Variants in PDE4C observed in about 807,000 individuals in gnomAD.
PDE4C encodes phosphodiesterase 4C.
A neutral mutation model predicts 63.9 loss-of-function variants in PDE4C; 50 were observed. The ratio of observed to expected loss-of-function variants is 0.78; its 90% CI spans 0.62 to 0.99. PDE4C has a LOEUF of 0.99. Ranked by LOEUF, PDE4C falls within the 50% of genes least tolerant of loss-of-function variation. The pLI, the probability that PDE4C is intolerant of heterozygous loss-of-function variation, is 0.00. For synonymous variants in PDE4C, 377 were observed against 385.1 expected, an observed-to-expected ratio of 0.98 and a Z score of 0.25; for missense variants, 777 against 899.1, an observed-to-expected ratio of 0.86 and a Z score of 1.74.
In PDE4C at chr19:18,220,791, G is replaced by C; in HGVS notation, c.499+83C>G. The C allele has an allele frequency of 1.5e-6, 2 of 1,356,344 alleles. No homozygotes were observed. The highest frequency in any genetic ancestry group is 2.1e-6 in the Non-Finnish European group (2 of 961,112). 84.0% of individuals were successfully genotyped at this position (1,356,344 alleles called of 1,614,324 possible). ...GGGGCTACAATTAGCCCCAGTATAA[G>C]GGGCTCATGGACTGGGGAGGTCACT... On this transcript the variant is annotated intron_variant, in intron 5 of 14. Coordinates refer to ENST00000262805, the Ensembl canonical transcript of PDE4C. This position sits in a 1 kb window ranked among gnomAD's most constrained non-coding sequence, Gnocchi z 5.1.
upstream of PDE4C, among the ~76,000 whole-genome samples, chr19:18,227,242 G>A (rs1042555637): frequency 6.6e-6 from 1 of 152,110 alleles, no homozygotes; most frequent in African/African-American, 2.4e-5. Flanking sequence ...TGGGGAAACT[G>A]AGGCTTCCAT....
At chr19:18,243,074 GGT>G (rs1421018767) in intron 1 of PDE4C, among the ~76,000 whole-genome samples, 1 of 152,036 alleles carries the variant, frequency 6.6e-6, no homozygotes, top group Non-Finnish European at 1.5e-5. Context: ...ATAGCCACGG[GGT>G]GTGAGAAAGA....
downstream of PDE4C, chr19:18,208,232 G>C (rs1327288804): frequency 6.6e-6 from 1 of 152,216 alleles, no homozygotes; most frequent in East Asian, 1.9e-4. Context: ...AACGAAGCCA[G>C]CTGCTCTGGA....
chr19:18,211,684 G>A (rs1967946173), intron 14 of PDE4C, 75 bp downstream of exon 14: 1 of 1,544,424 alleles, frequency 6.5e-7, no homozygotes, highest in African/African-American at 1.4e-5. Context: ...GCCAAACCAG[G>A]GCTCGTGGGG....
intron 12 of PDE4C, among the ~76,000 whole-genome samples, chr19:18,214,437 A>T (rs142981635): frequency 2.0e-3 from 304 of 151,970 alleles, no homozygotes; most frequent in Non-Finnish European, 3.4e-3. Context: ...GAACTAAAAG[A>T]GGTGGCTGTG....
intron 12 of PDE4C, among the ~76,000 whole-genome samples, chr19:18,215,631 C>T (rs957618898): frequency 1.3e-5 from 2 of 151,834 alleles, no homozygotes; most frequent in Non-Finnish European, 2.9e-5. Context: ...TCTCCTGACT[C>T]AGCCTCCCGA....
chr19:18,224,562 G>T, intron 1 of PDE4C: 1 of 962,986 alleles, frequency 1.0e-6, no homozygotes, highest in Non-Finnish European at 1.2e-6. Flanking sequence ...TTGAGCTCGG[G>T]AGACTTCGGA....
intron 2 of PDE4C, 30 bp from the exon 3 acceptor site, chr19:18,221,327 T>G (rs1368540095): frequency 6.5e-7 from 1 of 1,532,982 alleles, no homozygotes; most frequent in South Asian, 1.2e-5. Context: ...CAGGGAGAGC[T>G]CTCTCCCATC....
At chr19:18,223,209 ATTT>A (rs35666140) in intron 1 of PDE4C, among the ~76,000 whole-genome samples, 15 of 129,100 alleles carry the variant, frequency 1.2e-4, no homozygotes, top group South Asian at 2.4e-4. Flanking sequence ...CGCCCGGCTA[ATTT>A]TTTTTTTTTT....
intron 1 of PDE4C, among the ~76,000 whole-genome samples, chr19:18,223,876 T>A (rs1029410665): frequency 5.3e-5 from 8 of 152,102 alleles, no homozygotes; most frequent in Non-Finnish European, 1.2e-4. Flanking sequence ...GAGACCCCAC[T>A]CCTAGCCAAC....
intron 12 of PDE4C, among the ~76,000 whole-genome samples, chr19:18,213,757 G>A (rs534631542): frequency 3.3e-5 from 5 of 152,214 alleles, no homozygotes; most frequent in South Asian, 2.1e-4. Flanking sequence ...AAATCTGTGC[G>A]CCTGGGACTT....
intron 1 of PDE4C, among the ~76,000 whole-genome samples, chr19:18,224,929 C>T (rs1308291211): frequency 1.3e-5 from 2 of 152,206 alleles, no homozygotes; most frequent in African/African-American, 4.8e-5. Context: ...GATCGCGACC[C>T]CCTACCCCTC....
upstream of PDE4C, among the ~76,000 whole-genome samples, chr19:18,249,145 A>C (rs1969192751): frequency 6.6e-6 from 1 of 152,058 alleles, no homozygotes; most frequent in African/African-American, 2.4e-5. Flanking sequence ...AAAAGAAAAA[A>C]AGAGAGAGAG....
chr19:18,240,794 G>A (rs1464213023), intron 1 of PDE4C, among the ~76,000 whole-genome samples: 1 of 152,224 alleles, frequency 6.6e-6, no homozygotes, highest in African/African-American at 2.4e-5. Context: ...GGGCAAAGTG[G>A]GGTGGGAGGA....
At chr19:18,237,650 A>G (rs993928333), upstream of PDE4C, among the ~76,000 whole-genome samples, 19 of 152,006 alleles carry the variant, frequency 1.2e-4, no homozygotes, top group Non-Finnish European at 2.1e-4. Flanking sequence ...AGGCAGGCGG[A>G]TCACGAGGTC....
chr19:18,220,478 G>A lies in PDE4C; in HGVS notation c.537C>T (p.Asp179=), dbSNP rs760869430. The stretch of plus-strand genomic sequence containing the variant: ...ACTGATCCAGGCACCAGTCCAGCTC[G>A]TCTAGCGTCTCCAATGCCAGCTTCT... Residue 179 remains aspartate, a synonymous_variant, in exon 6 of 15, where the codon GAC becomes GAT. Transcript: ENST00000262805. This position sits in a 1 kb window ranked among gnomAD's most constrained non-coding sequence, Gnocchi z 5.1. The A allele has an allele frequency of 1.5e-5, 24 of 1,614,132 alleles. No homozygotes were observed. In the South Asian group the frequency reaches 2.0e-4, roughly 13 times the overall value.
upstream of PDE4C, among the ~76,000 whole-genome samples, chr19:18,230,836 C>G (rs1476701284): frequency 6.6e-6 from 1 of 152,208 alleles, no homozygotes; most frequent in Non-Finnish European, 1.5e-5. Flanking sequence ...TCTCCACCAT[C>G]AGCCTTAGGG....
At chr19:18,226,944 G>C (rs1319686326), upstream of PDE4C, among the ~76,000 whole-genome samples, 1 of 152,092 alleles carries the variant, frequency 6.6e-6, no homozygotes, top group Admixed American at 6.6e-5. Flanking sequence ...TAAGATCTCA[G>C]AGCCTGGATC....
At chr19:18,222,322 A>C (rs752553505) in exon 2 of PDE4C, 1 of 1,607,346 alleles carries the variant, frequency 6.2e-7, no homozygotes, top group Non-Finnish European at 8.5e-7. Flanking sequence ...TCCAGGTCAA[A>C]GCTGAAAGGA....
Sources: gnomAD v4.1 joint callset for allele counts (sites outside exome capture counted in the v4.1 genomes callset) on GRCh38, gnomAD v4.1.1 for gene constraint, Gnocchi (gnomAD v3.1) non-coding constraint, MANE v1.5 for transcripts, NCBI Gene and HGNC (gene_info 2026-07-23, HGNC 2026-07-21) for gene names.